DNAJC10: variants seen among roughly 807,000 people sequenced by gnomAD.
The protein encoded by DNAJC10 is DnaJ heat shock protein family (Hsp40) member C10, also known as endoplasmic reticulum disulfide reductase DNAJC10.
Under a neutral mutation model 115.0 loss-of-function variants are expected in DNAJC10, and 101 were observed. The ratio of observed to expected loss-of-function variants is 0.88; its 90% confidence interval spans 0.75 to 1.04. The LOEUF is 1.04. Ranked by LOEUF, DNAJC10 falls within the 50% of genes least tolerant of loss-of-function variation. DNAJC10 has a pLI of 0.00. For missense variants in DNAJC10, 981 were observed against 928.8 expected, an observed-to-expected ratio of 1.06 and a Z score of -0.73; for synonymous variants, 307 against 301.5, an observed-to-expected ratio of 1.02 and a Z score of -0.19.
chr2:182,759,131 T>G (rs984438038), intron 20 of DNAJC10, 29 bp from the exon 21 acceptor site: 1 of 1,550,296 alleles, frequency 6.5e-7, no homozygotes, highest in Non-Finnish European at 8.7e-7. Flanking sequence ...TTTTATATAA[T>G]GAAAAATGAT....
chr2:182,765,547 T>C (rs922892889), intron 22 of DNAJC10, among the ~76,000 whole-genome samples: 1 of 152,176 alleles, frequency 6.6e-6, no homozygotes, highest in Non-Finnish European at 1.5e-5. Flanking sequence ...AGAAACCGAT[T>C]CCATGCGGTT....
chr2:182,757,950 G>A, intron 19 of DNAJC10, 125 bp downstream of exon 19: 1 of 573,842 alleles, frequency 1.7e-6, no homozygotes, highest in Non-Finnish European at 2.9e-6. Context: ...ACTACGTAAA[G>A]ATAGTTTGTT....
In DNAJC10 at chr2:182,779,794, C is replaced by A. The variant is rs893207945; in HGVS notation, c.*2662C>A. On this transcript the variant is annotated 3_prime_UTR_variant, in exon 24 of 24. Transcript: ENST00000264065. ...CAAAGTGGGAATTTTTTTAGAAGTACGGTTATCAAAAAAACACATTTCCTA... is the reference window on the plus strand; with the variant it reads ...CAAAGTGGGAATTTTTTTAGAAGTAAGGTTATCAAAAAAACACATTTCCTA... 1.3e-5 allele frequency: 2 copies of A among 151,738 alleles called. No homozygotes were observed. The highest frequency in any genetic ancestry group is 4.8e-5 in the African/African-American group (2 of 41,278). 9.4% of individuals were successfully genotyped at this position (151,738 alleles called of 1,614,324 possible). A position where few individuals can be genotyped will look rare whatever the true frequency, so the allele number is the denominator to read the frequency against.
At chr2:182,752,424 G>T in intron 16 of DNAJC10, 1 of 342,534 alleles carries the variant, frequency 2.9e-6, no homozygotes, top group Non-Finnish European at 4.7e-6. Flanking sequence ...TCAAACTCAG[G>T]CAACTATTTT....
chr2:182,743,300 A>G (rs1240493090), intron 13 of DNAJC10, among the ~76,000 whole-genome samples: 6 of 152,052 alleles, frequency 3.9e-5, no homozygotes, highest in Non-Finnish European at 2.9e-5. Context: ...TCTCTCCTCT[A>G]TCTCAAGATT....
At chr2:182,747,692 T>A (rs1693904990) in intron 14 of DNAJC10, among the ~76,000 whole-genome samples, 1 of 151,222 alleles carries the variant, frequency 6.6e-6, no homozygotes, top group South Asian at 2.1e-4. Context: ...CAATTTGACT[T>A]CCTCTTTTCC....
intron 10 of DNAJC10, among the ~76,000 whole-genome samples, chr2:182,734,537 C>T (rs1362091539): frequency 6.6e-6 from 1 of 151,620 alleles, no homozygotes; most frequent in Non-Finnish European, 1.5e-5. Context: ...AAAATGAATC[C>T]TGTAATTCAC....
At chr2:182,736,201 T>C in intron 10 of DNAJC10, 48 bp from the exon 11 acceptor site, 1 of 1,524,576 alleles carries the variant, frequency 6.6e-7, no homozygotes, top group East Asian at 2.6e-5. Context: ...TCCCTTTAAC[T>C]TTTTGCCTCC....
At position 182,781,122 on chromosome 2, in the gene DNAJC10, C is replaced by G. The variant is rs1316779547; in HGVS notation, c.*3990C>G. The G allele has an allele frequency of 6.6e-6, 1 of 152,114 alleles. No homozygotes were observed. Among genetic ancestry groups the G allele is most frequent in the Non-Finnish European group, 1.5e-5 (1 of 68,052 alleles). 9.4% of individuals were successfully genotyped at this position (152,114 alleles called of 1,614,324 possible). A position where few individuals can be genotyped will look rare whatever the true frequency, so the allele number is the denominator to read the frequency against. ...TCTAATGTTGTCCTTCCCCTTGCCC[C>G]CTACCCCGCCGACAGGCCCCATTGT... On this transcript the variant is annotated 3_prime_UTR_variant, in exon 24 of 24. Coordinates refer to ENST00000264065, the MANE Select transcript of DNAJC10 (RefSeq NM_018981.4).
At chr2:182,737,591 A>G (rs1258743532) in intron 11 of DNAJC10, among the ~76,000 whole-genome samples, 3 of 152,150 alleles carry the variant, frequency 2.0e-5, no homozygotes, top group Non-Finnish European at 4.4e-5. Context: ...ACATGCACCT[A>G]TACGTATATG....
intron 14 of DNAJC10, among the ~76,000 whole-genome samples, chr2:182,745,704 T>TA (rs933477046): frequency 6.6e-6 from 1 of 151,896 alleles, no homozygotes; most frequent in African/African-American, 2.4e-5. Context: ...TTTTTTTTTT[T>TA]ATGGACAAGT....
Position 182,757,718 on chromosome 2 carries a change from C to A in DNAJC10, c.1836C>A (p.Gly612=). ...CATTAACTGGACTGATCAACGTGGG[C>A]AGTATAGATTGCCAACAGTATCATT... The part of the protein sequence containing the change: ...ARTLTGLINV[G]SIDCQQYHSF... Residue 612 remains glycine (G), a synonymous_variant, in exon 19 of 24, where the codon GGC becomes GGA. Transcript: ENST00000264065. 2 of 1,593,532 alleles carry A rather than the reference C, an allele frequency of 1.3e-6. No individual in the cohort carries two copies. Among genetic ancestry groups the A allele is most frequent in the Non-Finnish European group, 8.5e-7 (1 of 1,171,808 alleles).
intron 18 of DNAJC10, 125 bp downstream of exon 18, chr2:182,756,594 T>G: frequency 3.5e-5 from 30 of 853,230 alleles, no homozygotes; most frequent in East Asian, 5.5e-5. Context: ...GTACTGATCA[T>G]ACCACTTTGA....
chr2:182,716,269 T>G lies in DNAJC10; in HGVS notation c.-418T>G, dbSNP rs1159081783. On this transcript the variant is annotated 5_prime_UTR_variant, in exon 1 of 24. Transcript: ENST00000264065. ...CGCCAGGCCCCGCCCCGGCTCGCCG[T>G]GGAGACCGGCGCGTGAGGAACCTAC... The G allele has an allele frequency of 6.6e-6, 1 of 152,364 alleles. No homozygotes were observed. The highest frequency in any genetic ancestry group is 1.5e-5 in the Non-Finnish European group (1 of 68,188). 9.4% of individuals were successfully genotyped at this position (152,364 alleles called of 1,614,324 possible). A position where few individuals can be genotyped will look rare whatever the true frequency, so the allele number is the denominator to read the frequency against.
intron 8 of DNAJC10, among the ~76,000 whole-genome samples, chr2:182,730,162 A>T (rs1256055436): frequency 6.6e-6 from 1 of 152,234 alleles, no homozygotes; most frequent in Non-Finnish European, 1.5e-5. Context: ...TGGGAAATGG[A>T]TATGAGATAG....
rs1694920191 is a variant in DNAJC10, at chr2:182,784,972, G to A, written c.*7840G>A. 2 of 152,174 alleles carry A rather than the reference G, an allele frequency of 1.3e-5. No homozygotes were observed. Among genetic ancestry groups the A allele is most frequent in the African/African-American group, 2.4e-5 (1 of 41,450 alleles). 9.4% of individuals were successfully genotyped at this position (152,174 alleles called of 1,614,324 possible). A position where few individuals can be genotyped will look rare whatever the true frequency, so the allele number is the denominator to read the frequency against. ...TACTTGATAAGAATCACACAGTCTA[G>A]CTGGCCTTTGTGTTTTCACTAAAAA... On this transcript the variant is annotated 3_prime_UTR_variant, in exon 24 of 24. Coordinates refer to ENST00000264065, the MANE Select transcript of DNAJC10 (RefSeq NM_018981.4).
At position 182,717,477 on chromosome 2, in the gene DNAJC10, G is replaced by A. The variant is rs559900342; in HGVS notation, c.-147+405G>A. Among the ~76,000 whole-genome samples the A allele has an allele frequency of 3.9e-5, 6 of 152,274 alleles. No homozygotes were observed. The South Asian group carries it at 1.0e-3, about 26-fold the overall frequency. On this transcript the variant is annotated intron_variant, in intron 2 of 23. Coordinates refer to ENST00000264065, the MANE Select transcript of DNAJC10 (RefSeq NM_018981.4). ...ACTGTCATTTCTGGTAGGGTTATAT[G>A]AGAAGTAAAAAACCCTATGTTTCCT...
At chr2:182,732,916 T>G (rs1412871247) in intron 10 of DNAJC10, among the ~76,000 whole-genome samples, 1 of 152,040 alleles carries the variant, frequency 6.6e-6, no homozygotes, top group Non-Finnish European at 1.5e-5. Flanking sequence ...CTGAGTGATG[T>G]TGATTTTTTA....
At chr2:182,773,561 G>A (rs769084758) in intron 22 of DNAJC10, among the ~76,000 whole-genome samples, 14 of 151,880 alleles carry the variant, frequency 9.2e-5, no homozygotes, top group South Asian at 4.2e-4. Context: ...TTGTCTTCTC[G>A]CTTTATTTCA....
Sources: allele counts gnomAD v4.1 joint callset (sites outside exome capture counted in the v4.1 genomes callset), GRCh38; gene constraint gnomAD v4.1.1; transcripts MANE v1.5; gene names NCBI Gene and HGNC (gene_info 2026-07-23, HGNC 2026-07-21).